Variants in CSMD1 observed in about 807,000 individuals in gnomAD.
The protein encoded by CSMD1 is CUB and Sushi multiple domains 1, also known as CUB and sushi domain-containing protein 1.
A neutral mutation model predicts 417.5 loss-of-function variants in CSMD1; 213 were observed. The observed-to-expected ratio is 0.51, with a 90% CI of 0.46 to 0.57. The LOEUF (loss-of-function observed/expected upper bound fraction) is 0.57. Among genes scored for constraint, CSMD1 ranks in the 20% least tolerant of loss-of-function variants. The probability of loss-of-function intolerance (pLI) is 0.00; values close to 1 mark genes in which losing one functional copy is unlikely to be tolerated. For missense variants in CSMD1, 6,923 were observed against 4,529.7 expected, an observed-to-expected ratio of 1.53 and a Z score of -15.17; for synonymous variants, 2,862 against 1,736.8, an observed-to-expected ratio of 1.65 and a Z score of -16.11.
intron 3 of CSMD1, among the ~76,000 whole-genome samples, chr8:4,035,072 A>G (rs1368565285): frequency 2.0e-5 from 3 of 152,222 alleles, no homozygotes; most frequent in Non-Finnish European, 4.4e-5. Context: ...CAGAAAGATC[A>G]ACGAAACATT....
At chr8:4,445,741 C>T (rs775858339) in intron 2 of CSMD1, among the ~76,000 whole-genome samples, 1 of 143,166 alleles carries the variant, frequency 7.0e-6, no homozygotes, top group Non-Finnish European at 1.6e-5. Flanking sequence ...ATTAAGTATC[C>T]AATAATAGAC....
At chr8:4,603,299 C>T (rs893801542) in intron 2 of CSMD1, among the ~76,000 whole-genome samples, 1 of 151,818 alleles carries the variant, frequency 6.6e-6, no homozygotes, top group African/African-American at 2.4e-5. Context: ...CAATCAATTC[C>T]TTTTTTGTAT....
At chr8:3,847,214 A>G (rs1446897179) in intron 5 of CSMD1, among the ~76,000 whole-genome samples, 1 of 152,136 alleles carries the variant, frequency 6.6e-6, no homozygotes, top group Non-Finnish European at 1.5e-5. Context: ...ATTATGTTAC[A>G]TTACAGGGCA....
At chr8:4,051,996 G>A (rs1798457260) in intron 3 of CSMD1, among the ~76,000 whole-genome samples, 1 of 151,322 alleles carries the variant, frequency 6.6e-6, no homozygotes, top group Admixed American at 6.6e-5. Flanking sequence ...TGTTATCTCG[G>A]CTCACTGCAA....
intron 3 of CSMD1, among the ~76,000 whole-genome samples, chr8:4,417,359 A>T (rs925810690): frequency 6.6e-6 from 1 of 152,004 alleles, no homozygotes; most frequent in African/African-American, 2.4e-5. Context: ...GCCAGACAAC[A>T]GTTGAGTTTG....
At chr8:4,587,064 G>A (rs1799737573) in intron 2 of CSMD1, among the ~76,000 whole-genome samples, 2 of 152,276 alleles carry the variant, frequency 1.3e-5, no homozygotes, top group South Asian at 4.2e-4. Flanking sequence ...TTTAATCCAT[G>A]AAACATTGCT....
At chr8:3,839,058 G>C (rs1280839957) in intron 5 of CSMD1, among the ~76,000 whole-genome samples, 1 of 122,326 alleles carries the variant, frequency 8.2e-6, no homozygotes, top group East Asian at 2.3e-4. Context: ...AAAATATATA[G>C]CCTATAGATA....
At chr8:3,616,155 G>C (rs754270135) in intron 8 of CSMD1, among the ~76,000 whole-genome samples, 1 of 151,994 alleles carries the variant, frequency 6.6e-6, no homozygotes, top group Non-Finnish European at 1.5e-5. Flanking sequence ...TACATGGTTT[G>C]GCTCTGTCCC....
At chr8:3,444,050 A>T (rs1245876282) in intron 12 of CSMD1, among the ~76,000 whole-genome samples, 1 of 152,098 alleles carries the variant, frequency 6.6e-6, no homozygotes, top group Non-Finnish European at 1.5e-5. Context: ...ATCAGCATGA[A>T]ATCTTGTCTC....
intron 1 of CSMD1, among the ~76,000 whole-genome samples, chr8:4,820,594 G>A (rs117385791): frequency 4.6e-5 from 7 of 152,086 alleles, no homozygotes; most frequent in Non-Finnish European, 1.0e-4. Context: ...GAAAACAAAC[G>A]GGATAGCTTT....
intron 5 of CSMD1, among the ~76,000 whole-genome samples, chr8:3,949,153 T>C (rs573534262): frequency 4.1e-4 from 62 of 152,354 alleles, no homozygotes; most frequent in African/African-American, 1.5e-3. Flanking sequence ...AATGGCTAAA[T>C]TGAGCTAATT....
intron 3 of CSMD1, among the ~76,000 whole-genome samples, chr8:4,409,968 T>A: frequency 6.6e-6 from 1 of 151,996 alleles, no homozygotes; most frequent in East Asian, 1.9e-4. Context: ...CACCCGCCAC[T>A]ACGCCCAGCA....
intron 25 of CSMD1, among the ~76,000 whole-genome samples, chr8:3,298,360 G>A (rs1303377232): frequency 6.6e-6 from 1 of 152,142 alleles, no homozygotes; most frequent in Non-Finnish European, 1.5e-5. Flanking sequence ...CACCCAGAAT[G>A]GATAAATAAA....
In CSMD1 at chr8:3,396,267, G is replaced by A. The variant is rs201401389; in HGVS notation, c.2520C>T (p.Thr840=). Residue 840 remains threonine, a synonymous_variant, in exon 17 of 70, where the codon ACC becomes ACT. Coordinates refer to ENST00000635120, the MANE Select transcript of CSMD1 (RefSeq NM_033225.6). ...TGAACAGCAGGTACATGAAGTTCCCGGTGCTGATGAGGAACTGGGGTGCCT... is the reference window on the plus strand; with the variant it reads ...TGAACAGCAGGTACATGAAGTTCCCAGTGCTGATGAGGAACTGGGGTGCCT... The part of the protein sequence containing the change: ...GTQAPQFLIS[T]GNFMYLLFTT... The A allele has an allele frequency of 3.5e-3, 5,589 of 1,590,934 alleles. 15 individuals are homozygous for A. The highest frequency in any genetic ancestry group is 4.2e-3 in the Non-Finnish European group (4,880 of 1,168,438).
At chr8:3,496,593 C>T (rs140669826) in intron 10 of CSMD1, among the ~76,000 whole-genome samples, 10 of 152,100 alleles carry the variant, frequency 6.6e-5, no homozygotes, top group Admixed American at 1.3e-4. Context: ...TTTGGGAGGC[C>T]GAGGAGGGTG....
At chr8:4,206,090 G>C (rs970118236) in intron 3 of CSMD1, among the ~76,000 whole-genome samples, 2 of 152,148 alleles carry the variant, frequency 1.3e-5, no homozygotes, top group South Asian at 2.1e-4. Flanking sequence ...CAGAAAGTGA[G>C]TAAATAGGAT....
chr8:3,948,973 A>T (rs552318996), intron 5 of CSMD1, among the ~76,000 whole-genome samples: 24 of 152,276 alleles, frequency 1.6e-4, no homozygotes, highest in African/African-American at 5.5e-4. Flanking sequence ...ATTTATCACC[A>T]GGGTAAGAAG....
chr8:3,868,403 T>C (rs1193338143), intron 5 of CSMD1, among the ~76,000 whole-genome samples: 1 of 152,096 alleles, frequency 6.6e-6, no homozygotes, highest in South Asian at 2.1e-4. Context: ...GCTGTGCAGA[T>C]GGTCCACACA....
chr8:3,431,315 C>G (rs919932769), intron 12 of CSMD1, among the ~76,000 whole-genome samples: 1 of 152,166 alleles, frequency 6.6e-6, no homozygotes, highest in Non-Finnish European at 1.5e-5. Context: ...CCTGCATACT[C>G]TCCTCTGCTC....
Sources: gnomAD v4.1 joint callset for allele counts (sites outside exome capture counted in the v4.1 genomes callset) on GRCh38, gnomAD v4.1.1 for gene constraint, MANE v1.5 for transcripts, NCBI Gene and HGNC (gene_info 2026-07-23, HGNC 2026-07-21) for gene names.